The following MYO18B variants were observed in gnomAD, a reference collection of about 807,000 sequenced individuals.
The protein encoded by MYO18B is unconventional myosin-XVIIIb.
In MYO18B, 204 loss-of-function variants were observed where a neutral mutation model predicts 273.0. The ratio of observed to expected loss-of-function variants is 0.75; its 90% confidence interval spans 0.67 to 0.84. The LOEUF (loss-of-function observed/expected upper bound fraction) is 0.84. MYO18B is among the 40% of genes least tolerant of loss of function. The probability of loss-of-function intolerance (pLI) is 0.00; values close to 1 mark genes in which losing one functional copy is unlikely to be tolerated. For missense variants in MYO18B, 3,212 were observed against 3,287.6 expected, an observed-to-expected ratio of 0.98 and a Z score of 0.56; for synonymous variants, 1,330 against 1,305.7, an observed-to-expected ratio of 1.02 and a Z score of -0.40.
Position 25,891,300 on chromosome 22 carries a change from C to T in MYO18B, c.4435-4C>T, listed in dbSNP as rs1446740650. The T allele has an allele frequency of 2.6e-6, 4 of 1,558,518 alleles. No individual in the cohort carries two copies. The highest frequency in any genetic ancestry group is 1.9e-5 in the Admixed American group (1 of 52,144). ...TAGTTTAGACCTTGAGCCCTTTCTT[C>T]TAGAGCAAGCATGAACAAGTCCAGA... On this transcript the variant is annotated splice_region_variant and splice_polypyrimidine_tract_variant and intron_variant, in intron 26 of 43. Transcript: ENST00000335473.
At chr22:25,833,861 T>C (rs540902068) in intron 16 of MYO18B, among the ~76,000 whole-genome samples, 3 of 152,236 alleles carry the variant, frequency 2.0e-5, no homozygotes, top group Non-Finnish European at 4.4e-5. Flanking sequence ...CTTTTCTTCC[T>C]TCCTTGTCTC....
At chr22:25,800,984 G>A (rs573293947) in intron 12 of MYO18B, among the ~76,000 whole-genome samples, 2 of 152,178 alleles carry the variant, frequency 1.3e-5, no homozygotes, top group African/African-American at 2.4e-5. Flanking sequence ...AGGCCTGCCC[G>A]ATGATTTACT....
chr22:25,944,392 C>T (rs1405449738), intron 34 of MYO18B, among the ~76,000 whole-genome samples: 1 of 152,102 alleles, frequency 6.6e-6, no homozygotes, highest in Admixed American at 6.5e-5. Flanking sequence ...GTGACCCATC[C>T]CTCTCTGAGC....
chr22:25,900,755 G>C (rs770695429), intron 29 of MYO18B: 1 of 152,404 alleles, frequency 6.6e-6, no homozygotes, highest in African/African-American at 2.4e-5. Flanking sequence ...CTATTCTTTG[G>C]CATCAAGTGG....
At chr22:25,911,923 G>A (rs150920263) in intron 33 of MYO18B, among the ~76,000 whole-genome samples, 21 of 152,346 alleles carry the variant, frequency 1.4e-4, no homozygotes, top group African/African-American at 2.2e-4. Context: ...CAACACGGGA[G>A]AGAAATGCCT....
At chr22:26,036,566 A>G in the MYO18B span, among the ~76,000 whole-genome samples, 108 of 152,210 alleles carry the variant, frequency 7.1e-4, no homozygotes, top group African/African-American at 2.4e-3. Flanking sequence ...TCATTCTCAT[A>G]GTTCAGGCCT....
At chr22:25,963,589 T>C (rs2092943807) in intron 39 of MYO18B, among the ~76,000 whole-genome samples, 2 of 149,414 alleles carry the variant, frequency 1.3e-5, no homozygotes, top group Admixed American at 6.7e-5. Context: ...AAGACCCTAT[T>C]TCCCAATAAG....
intron 22 of MYO18B, 104 bp downstream of exon 22, chr22:25,868,489 C>A: frequency 1.0e-6 from 1 of 969,320 alleles, no homozygotes; most frequent in Non-Finnish European, 1.5e-6. Context: ...TGTACGTCTC[C>A]TTTTTCCCAA....
At chr22:26,056,866 C>T in the MYO18B span, among the ~76,000 whole-genome samples, 2 of 152,166 alleles carry the variant, frequency 1.3e-5, no homozygotes, top group African/African-American at 2.4e-5. Flanking sequence ...CCCGAGCGCT[C>T]ACTGCTACAT....
chr22:25,919,641 C>T (rs2092311985), intron 33 of MYO18B, among the ~76,000 whole-genome samples: 4 of 151,632 alleles, frequency 2.6e-5, no homozygotes, highest in African/African-American at 9.7e-5. Flanking sequence ...AATGCCCAGC[C>T]CTTAACTCAG....
the MYO18B span, among the ~76,000 whole-genome samples, chr22:26,061,533 C>A: frequency 6.6e-6 from 1 of 151,972 alleles, no homozygotes; most frequent in Non-Finnish European, 1.5e-5. Context: ...AGATGAATAT[C>A]CATCTCCATC....
intron 42 of MYO18B, among the ~76,000 whole-genome samples, chr22:26,013,924 T>G (rs921604372): frequency 3.9e-5 from 6 of 152,238 alleles, no homozygotes; most frequent in African/African-American, 1.4e-4. Flanking sequence ...TTATAAGGTA[T>G]GTGGGTTTTC....
intron 12 of MYO18B, among the ~76,000 whole-genome samples, chr22:25,801,889 G>A (rs1356622705): frequency 6.6e-6 from 1 of 152,184 alleles, no homozygotes; most frequent in Non-Finnish European, 1.5e-5. Flanking sequence ...TTTGGACTTA[G>A]GTCTGCCTGA....
At chr22:25,826,559 C>A in intron 14 of MYO18B, 60 bp downstream of exon 14, 1 of 1,453,652 alleles carries the variant, frequency 6.9e-7, no homozygotes, top group Non-Finnish European at 9.6e-7. Flanking sequence ...GATGAATTCA[C>A]ATACCGGGCA....
At chr22:25,803,967 A>AACACACACAC (rs151023852) in intron 12 of MYO18B, among the ~76,000 whole-genome samples, 2,299 of 136,908 alleles carry the variant, frequency 0.017, 35 homozygotes, top group African/African-American at 0.038. Flanking sequence ...TGACCCAGTG[A>AACACACACAC]ACACACACAC....
intron 1 of MYO18B, among the ~76,000 whole-genome samples, chr22:25,748,284 T>C (rs948489285): frequency 3.9e-5 from 6 of 152,188 alleles, no homozygotes; most frequent in African/African-American, 1.4e-4. Flanking sequence ...CATCAGACTT[T>C]ACTCATTGGG....
intron 33 of MYO18B, among the ~76,000 whole-genome samples, chr22:25,918,831 T>A (rs2092299476): frequency 6.6e-6 from 1 of 152,142 alleles, no homozygotes; most frequent in Non-Finnish European, 1.5e-5. Flanking sequence ...TGAGTCTGGG[T>A]TCTAGAGTAA....
intron 1 of MYO18B, among the ~76,000 whole-genome samples, chr22:25,742,721 C>G (rs753447546): frequency 6.6e-6 from 1 of 152,206 alleles, no homozygotes; most frequent in South Asian, 2.1e-4. Context: ...GCCAGGCTTC[C>G]CCTTTCGTGT....
At chr22:26,060,283 C>G in the MYO18B span, among the ~76,000 whole-genome samples, 1 of 152,250 alleles carries the variant, frequency 6.6e-6, no homozygotes, top group Non-Finnish European at 1.5e-5. Context: ...ACCAAATACC[C>G]TGAATGGCTC....
Sources: allele counts gnomAD v4.1 joint callset (sites outside exome capture counted in the v4.1 genomes callset), GRCh38; gene constraint gnomAD v4.1.1; transcripts MANE v1.5; gene names NCBI Gene and HGNC (gene_info 2026-07-23, HGNC 2026-07-21).